The following PALM2AKAP2 variants were observed in gnomAD, a reference collection of about 807,000 sequenced individuals.
PALM2AKAP2 encodes PALM2 and AKAP2 fusion.
A neutral mutation model predicts 71.5 loss-of-function variants in PALM2AKAP2; 37 were observed. The observed-to-expected ratio is 0.52, with a 90% CI of 0.40 to 0.68. The LOEUF (loss-of-function observed/expected upper bound fraction) is 0.68. Among genes scored for constraint, PALM2AKAP2 ranks in the 30% least tolerant of loss-of-function variants. The pLI, the probability that PALM2AKAP2 is intolerant of heterozygous loss-of-function variation, is 0.00. For synonymous variants in PALM2AKAP2, 468 were observed against 478.8 expected (o/e 0.98, Z 0.29); for missense variants, 1,224 against 1,191.8 (o/e 1.03, Z -0.40).
intron 1 of PALM2AKAP2, among the ~76,000 whole-genome samples, chr9:109,714,910 G>A (rs1217684639): frequency 6.6e-6 from 1 of 152,202 alleles, no homozygotes; most frequent in Non-Finnish European, 1.5e-5. Flanking sequence ...CCCATGGGAT[G>A]GGCTGCCCCT....
At chr9:109,678,724 A>G (rs1012188498) in intron 1 of PALM2AKAP2, among the ~76,000 whole-genome samples, 3 of 152,152 alleles carry the variant, frequency 2.0e-5, no homozygotes, top group Admixed American at 6.5e-5. Context: ...TCCCAATGTT[A>G]TAGTGTTGTT....
chr9:109,833,267 A>G (rs1389879181), intron 1 of PALM2AKAP2, among the ~76,000 whole-genome samples: 1 of 152,194 alleles, frequency 6.6e-6, no homozygotes, highest in African/African-American at 2.4e-5. Context: ...AGGCAGGAGA[A>G]TTGCTTGAAC....
intron 1 of PALM2AKAP2, among the ~76,000 whole-genome samples, chr9:109,690,256 T>C (rs1827864114): frequency 6.6e-6 from 1 of 152,208 alleles, no homozygotes; most frequent in African/African-American, 2.4e-5. Context: ...TTCTAATAGT[T>C]GGTATAGATC....
intron 1 of PALM2AKAP2, among the ~76,000 whole-genome samples, chr9:109,661,112 T>C (rs578252130): frequency 6.6e-6 from 1 of 152,348 alleles, no homozygotes; most frequent in African/African-American, 2.4e-5. Context: ...ATTCTGTAGG[T>C]TGCCTGTTCA....
At chr9:109,941,850 C>T (rs1031414901) in intron 6 of PALM2AKAP2, among the ~76,000 whole-genome samples, 3 of 152,066 alleles carry the variant, frequency 2.0e-5, no homozygotes, top group Non-Finnish European at 2.9e-5. Context: ...GCTCTTCCAA[C>T]AATCTAGGGA....
At chr9:110,138,681 T>C in intron 2 of PALM2AKAP2, 142 bp downstream of exon 8, 2 of 1,427,286 alleles carry the variant, frequency 1.4e-6, no homozygotes, top group Non-Finnish European at 1.8e-6. Flanking sequence ...AATTCCAGCA[T>C]ACAGGGACAT....
At chr9:110,081,079 CTGAA>C (rs1834438436) in intron 1 of PALM2AKAP2, among the ~76,000 whole-genome samples, 2 of 152,164 alleles carry the variant, frequency 1.3e-5, no homozygotes. Context: ...CTTCCGGAGA[CTGAA>C]TGAAAGATAC....
At chr9:109,761,914 C>T (rs1829060220) in intron 1 of PALM2AKAP2, among the ~76,000 whole-genome samples, 1 of 152,050 alleles carries the variant, frequency 6.6e-6, no homozygotes. Flanking sequence ...GACATTTATG[C>T]TGTCAACAAA....
At chr9:110,103,940 TC>T (rs1173085440) in intron 1 of PALM2AKAP2, among the ~76,000 whole-genome samples, 3 of 152,232 alleles carry the variant, frequency 2.0e-5, no homozygotes, top group African/African-American at 7.2e-5. Context: ...TGAACGTGGA[TC>T]CACCTGCCCC....
chr9:109,954,753 C>G (rs561113479), intron 6 of PALM2AKAP2, among the ~76,000 whole-genome samples: 145 of 150,950 alleles, frequency 9.6e-4, no homozygotes, highest in African/African-American at 3.4e-3. Context: ...AGATTCTGGG[C>G]TGAATCTGGC....
chr9:109,702,678 G>T (rs745320778), intron 1 of PALM2AKAP2, among the ~76,000 whole-genome samples: 58 of 150,830 alleles, frequency 3.8e-4, no homozygotes, highest in Admixed American at 4.0e-4. Flanking sequence ...CACCAACATA[G>T]CACATGTATA....
chr9:110,110,954 T>C (rs542264452), intron 1 of PALM2AKAP2, among the ~76,000 whole-genome samples: 1 of 152,292 alleles, frequency 6.6e-6, no homozygotes, highest in East Asian at 1.9e-4. Context: ...TAAACAGCTC[T>C]TCTCTCAGGA....
chr9:110,128,595 C>G (rs1400629010), intron 1 of PALM2AKAP2, among the ~76,000 whole-genome samples: 1 of 152,196 alleles, frequency 6.6e-6, no homozygotes, highest in Admixed American at 6.5e-5. Flanking sequence ...CTGGGTTATT[C>G]AAAGCAGAGA....
At chr9:109,848,203 G>A (rs1299103041) in intron 1 of PALM2AKAP2, among the ~76,000 whole-genome samples, 1 of 152,158 alleles carries the variant, frequency 6.6e-6, no homozygotes, top group Non-Finnish European at 1.5e-5. Context: ...CCTGGGAGCA[G>A]GGGAGTGCAG....
At chr9:109,768,623 A>G (rs1829202118) in intron 1 of PALM2AKAP2, among the ~76,000 whole-genome samples, 1 of 152,214 alleles carries the variant, frequency 6.6e-6, no homozygotes, top group African/African-American at 2.4e-5. Context: ...TACAAACAGT[A>G]AGCTCATCAC....
intron 1 of PALM2AKAP2, among the ~76,000 whole-genome samples, chr9:109,837,475 G>A (rs970990924): frequency 3.9e-5 from 6 of 152,096 alleles, no homozygotes; most frequent in Non-Finnish European, 7.4e-5. Context: ...ATCAACTAAC[G>A]AGCAAAATAA....
exon 4 of PALM2AKAP2, chr9:110,169,826 T>A (rs895958432): frequency 1.3e-5 from 2 of 152,536 alleles, no homozygotes; most frequent in Admixed American, 1.3e-4. Flanking sequence ...TGTGTGTGTG[T>A]GTGTATTAAA....
intron 7 of PALM2AKAP2, among the ~76,000 whole-genome samples, chr9:110,018,001 C>T (rs764871786): frequency 3.3e-5 from 5 of 151,990 alleles, no homozygotes; most frequent in Non-Finnish European, 7.4e-5. Context: ...GCTGGGATTA[C>T]AGGCGTGAGT....
chr9:109,746,251 G>A (rs998177360), intron 1 of PALM2AKAP2, among the ~76,000 whole-genome samples: 1 of 152,184 alleles, frequency 6.6e-6, no homozygotes, highest in Non-Finnish European at 1.5e-5. Context: ...TTGAACTTTT[G>A]CTGTTTAGGC....
Sources: allele counts gnomAD v4.1 joint callset (sites outside exome capture counted in the v4.1 genomes callset), GRCh38; gene constraint gnomAD v4.1.1; transcripts MANE v1.5; gene names NCBI Gene and HGNC (gene_info 2026-07-23, HGNC 2026-07-21).